SLC36A4: variants seen among roughly 807,000 people sequenced by gnomAD.
The protein encoded by SLC36A4 is neutral amino acid uniporter 4.
SLC36A4 carries 49 observed loss-of-function variants against 50.5 expected under a neutral mutation model. That is an observed-to-expected ratio of 0.97 (90% CI 0.77 to 1.23). SLC36A4 has a LOEUF of 1.23. SLC36A4 is among the 50% of genes most tolerant of loss of function. The probability of loss-of-function intolerance (pLI) is 0.00; values close to 1 mark genes in which losing one functional copy is unlikely to be tolerated. For synonymous variants in SLC36A4, 207 were observed against 206.5 expected (o/e 1.00, Z -0.02); for missense variants, 611 against 608.4 (o/e 1.00, Z -0.05).
chr11:93,160,391 C>T, intron 9 of SLC36A4: 2 of 985,374 alleles, frequency 2.0e-6, no homozygotes, highest in Non-Finnish European at 2.4e-6. Context: ...TGGTGTCTAG[C>T]TAGACTTCCT....
intron 10 of SLC36A4, chr11:93,152,628 T>C (rs573997346): frequency 2.6e-5 from 4 of 152,252 alleles, no homozygotes; most frequent in African/African-American, 9.6e-5. Flanking sequence ...GAAGCAGATG[T>C]GGCGTGGTCT....
At position 93,144,612 on chromosome 11, in the gene SLC36A4, A is replaced by G. The variant is rs1859814061; in HGVS notation, c.*3925T>C. The G allele has an allele frequency of 1.3e-5, 2 of 152,102 alleles. No individual in the cohort carries two copies. Among genetic ancestry groups the G allele is most frequent in the South Asian group, 4.1e-4 (2 of 4,834 alleles). 9.4% of individuals were successfully genotyped at this position (152,102 alleles called of 1,614,324 possible). ...TTTCACTTATCATAGGGCAATAAAT[A>G]GCATTTCTAGCCATTTCTTAGGCAT... On this transcript the variant is annotated 3_prime_UTR_variant, in exon 11 of 11. Coordinates refer to ENST00000326402, the MANE Select transcript of SLC36A4 (RefSeq NM_152313.4).
chr11:93,173,231 G>A (rs1177064754), intron 6 of SLC36A4, among the ~76,000 whole-genome samples: 1 of 150,204 alleles, frequency 6.7e-6, no homozygotes, highest in Non-Finnish European at 1.5e-5. Context: ...TTTTTTGGCT[G>A]CATAAATGTC....
At chr11:93,166,515 T>TG in intron 7 of SLC36A4, 2 of 446,170 alleles carry the variant, frequency 4.5e-6, no homozygotes, top group Non-Finnish European at 5.9e-6. Flanking sequence ...GTTTCCTTCT[T>TG]GCTTCAGTGC....
chr11:93,161,608 C>A (rs1860620148), intron 9 of SLC36A4, among the ~76,000 whole-genome samples: 1 of 152,272 alleles, frequency 6.6e-6, no homozygotes, highest in African/African-American at 2.4e-5. Context: ...AAATGACAGA[C>A]AAATTCTCAC....
In SLC36A4 at chr11:93,162,736, C is replaced by A; in HGVS notation, c.1007G>T (p.Ser336Ile). Residue 336 changes from serine (S) to isoleucine (I), a missense_variant, in exon 9 of 11, where the codon AGC (serine) becomes ATC (isoleucine). By Grantham distance (142) the Ser-to-Ile change is moderately radical. Transcript: ENST00000326402. ...ATCTTGGGGAAGATTTAAAGTTATG[C>A]TGCCTTTGATTTCATCATGGAAACA... is the stretch of plus-strand genomic sequence containing the variant. Reference protein sequence around the residue: ...YMCFHDEIKGSITLNLPQDVW... With the variant: ...YMCFHDEIKGIITLNLPQDVW... The A allele has an allele frequency of 1.2e-6, 2 of 1,611,528 alleles. No individual in the cohort carries two copies. Among genetic ancestry groups the A allele is most frequent in the Non-Finnish European group, 1.7e-6 (2 of 1,179,220 alleles).
chr11:93,184,726 T>C (rs12363233), intron 2 of SLC36A4, among the ~76,000 whole-genome samples: 2,174 of 152,270 alleles, frequency 0.014, 30 homozygotes, highest in Middle Eastern at 0.058. Flanking sequence ...TTATTGTGGA[T>C]ATTAAATGAC....
intron 6 of SLC36A4, among the ~76,000 whole-genome samples, chr11:93,176,525 T>C (rs1422522688): frequency 1.3e-5 from 2 of 151,930 alleles, no homozygotes; most frequent in South Asian, 2.1e-4. Context: ...CATTAGTTGA[T>C]GCAGTTTCTT....
chr11:93,175,399 C>T (rs1277693591), intron 6 of SLC36A4, among the ~76,000 whole-genome samples: 1 of 150,050 alleles, frequency 6.7e-6, no homozygotes, highest in Admixed American at 6.6e-5. Context: ...AAAAAACCAG[C>T]TCCTGGATTC....
At chr11:93,178,604 C>T (rs1450452927) in intron 6 of SLC36A4, among the ~76,000 whole-genome samples, 7 of 152,158 alleles carry the variant, frequency 4.6e-5, no homozygotes, top group Non-Finnish European at 8.8e-5. Context: ...TCCACTTGGT[C>T]ACTGTTGGTG....
chr11:93,170,037 A>T (rs1438193219), intron 6 of SLC36A4: 2 of 152,006 alleles, frequency 1.3e-5, no homozygotes, highest in African/African-American at 4.8e-5. Flanking sequence ...GTATTTTAGC[A>T]TTTTTGGCAG....
At chr11:93,161,136 G>A (rs1002904165) in intron 9 of SLC36A4, among the ~76,000 whole-genome samples, 7 of 152,080 alleles carry the variant, frequency 4.6e-5, no homozygotes, top group Admixed American at 1.3e-4. Flanking sequence ...CACCATACCC[G>A]GCTCAAAATA....
In SLC36A4 at chr11:93,182,840, T is replaced by C. The variant is rs1421701702; in HGVS notation, c.325A>G (p.Ile109Val). 1.2e-6 allele frequency: 2 copies of C among 1,612,782 alleles called. No individual in the cohort carries two copies. The highest frequency in any genetic ancestry group is 1.7e-6 in the Non-Finnish European group (2 of 1,179,386). ...IGIISVHCMH[I>V]LVRCSHFLCL... ...AGAAAGTGACTGCAACGTACCAATA[T>C]GTGCATACAGTGAACAGAAATAATT... The change falls in exon 4 of 11, where the codon ATA becomes GTA. Residue 109 changes from isoleucine to valine, a missense_variant. Physicochemically the swap from Ile to Val is conservative, Grantham distance 29 (BLOSUM62 3). Coordinates refer to ENST00000326402, the MANE Select transcript of SLC36A4 (RefSeq NM_152313.4).
chr11:93,175,263 AGTTTGTATTTCT>A (rs1209767837), intron 6 of SLC36A4, among the ~76,000 whole-genome samples: 3 of 151,824 alleles, frequency 2.0e-5, no homozygotes, highest in Non-Finnish European at 4.4e-5. Flanking sequence ...CTCTGATGGT[AGTTTGTATTTCT>A]GTGGGATCGG....
chr11:93,165,981 A>G lies in SLC36A4; in HGVS notation c.804T>C (p.Ala268=). Residue 268 remains alanine (A), a synonymous_variant, in exon 8 of 11, where the codon GCT becomes GCC. Coordinates refer to ENST00000326402, the MANE Select transcript of SLC36A4 (RefSeq NM_152313.4). The part of the protein sequence containing the change: ...MPDPHNLPIV[A]GWKKYPLFFG... Reference sequence around the variant, plus strand: ...AAAAGAGTGGGTATTTCTTCCAACCAGCCACTATTGGAAGGTTGTGGGGAT... The same window carrying G: ...AAAAGAGTGGGTATTTCTTCCAACCGGCCACTATTGGAAGGTTGTGGGGAT... 2 of 1,611,384 alleles carry G rather than the reference A, an allele frequency of 1.2e-6. No homozygotes were observed. The highest frequency in any genetic ancestry group is 8.5e-7 in the Non-Finnish European group (1 of 1,178,468).
chr11:93,150,068 G>T (rs1052663151), intron 10 of SLC36A4, among the ~76,000 whole-genome samples: 1 of 152,038 alleles, frequency 6.6e-6, no homozygotes, highest in Non-Finnish European at 1.5e-5. Context: ...TTATCAAAAT[G>T]CATCAACAGA....
intron 6 of SLC36A4, among the ~76,000 whole-genome samples, chr11:93,173,954 T>C (rs990098537): frequency 3.4e-5 from 5 of 145,382 alleles, no homozygotes; most frequent in African/African-American, 1.3e-4. Context: ...CCATATGAAC[T>C]TTAAAGTAGT....
intron 6 of SLC36A4, among the ~76,000 whole-genome samples, chr11:93,169,620 T>C (rs1324615097): frequency 2.6e-5 from 4 of 152,158 alleles, no homozygotes. Context: ...ATATATCTAT[T>C]AGATTTTTGC....
At chr11:93,192,775 C>T (rs1283506383) in intron 1 of SLC36A4, among the ~76,000 whole-genome samples, 1 of 152,116 alleles carries the variant, frequency 6.6e-6, no homozygotes, top group East Asian at 1.9e-4. Context: ...AAGGCTATTG[C>T]ACTGAACAGC....
Sources: gnomAD v4.1 joint callset for allele counts (sites outside exome capture counted in the v4.1 genomes callset) on GRCh38, gnomAD v4.1.1 for gene constraint, MANE v1.5 for transcripts, NCBI Gene and HGNC (gene_info 2026-07-23, HGNC 2026-07-21) for gene names.